Variants in SIDT1 observed in about 807,000 individuals in gnomAD.
SIDT1 encodes the protein SID1 transmembrane family member 1.
SIDT1 carries 101 observed loss-of-function variants against 107.5 expected under a neutral mutation model. That is an observed-to-expected ratio of 0.94 (90% CI 0.80 to 1.11). The LOEUF (loss-of-function observed/expected upper bound fraction) is 1.11, where lower values mean the gene tolerates loss of function less well. Ranked by LOEUF, SIDT1 falls within the 50% of genes least tolerant of loss-of-function variation. The pLI is 0.00. For synonymous variants in SIDT1, 395 were observed against 398.2 expected, an observed-to-expected ratio of 0.99 and a Z score of 0.10; for missense variants, 1,076 against 1,058.2, an observed-to-expected ratio of 1.02 and a Z score of -0.23.
chr3:113,604,890 G>A lies in SIDT1; in HGVS notation c.1338-20G>A. On this transcript the variant is annotated intron_variant, in intron 13 of 24. Coordinates refer to ENST00000264852, the MANE Select transcript of SIDT1 (RefSeq NM_017699.3). Reference sequence around the variant, plus strand: ...TGTTCATTTGAAAATAAGCATTTCTGGTTCTTTCTGCCTGCATAGGAACAT... The same window carrying A: ...TGTTCATTTGAAAATAAGCATTTCTAGTTCTTTCTGCCTGCATAGGAACAT... 1.9e-6 allele frequency: 3 copies of A among 1,613,652 alleles called. No homozygotes were observed. The highest frequency in any genetic ancestry group is 2.5e-6 in the Non-Finnish European group (3 of 1,179,738).
chr3:113,637,100 G>C, the SIDT1 span, among the ~76,000 whole-genome samples: 29 of 152,132 alleles, frequency 1.9e-4, no homozygotes, highest in African/African-American at 7.0e-4. Context: ...ACAGTGGGCC[G>C]GGCGCGGTGG....
At chr3:113,593,250 C>T (rs1271030257) in intron 10 of SIDT1, among the ~76,000 whole-genome samples, 14 of 152,176 alleles carry the variant, frequency 9.2e-5, no homozygotes, top group Admixed American at 9.2e-4. Context: ...AGCCCTAGGC[C>T]GTGGACTGGT....
At chr3:113,624,384 T>G (rs1217877944) in intron 23 of SIDT1, among the ~76,000 whole-genome samples, 3 of 152,238 alleles carry the variant, frequency 2.0e-5, no homozygotes, top group African/African-American at 7.2e-5. Flanking sequence ...TCTGGCTTCT[T>G]TCACTTAATG....
intron 1 of SIDT1, among the ~76,000 whole-genome samples, chr3:113,554,142 G>T (rs913637521): frequency 6.6e-6 from 1 of 152,202 alleles, no homozygotes; most frequent in Non-Finnish European, 1.5e-5. Flanking sequence ...AAGTAGCCCA[G>T]AATTGGTTAG....
At chr3:113,542,178 C>T (rs887357161) in intron 1 of SIDT1, among the ~76,000 whole-genome samples, 1 of 152,136 alleles carries the variant, frequency 6.6e-6, no homozygotes, top group Non-Finnish European at 1.5e-5. Flanking sequence ...CTGCCTCAGA[C>T]TCCCACAGTC....
intron 1 of SIDT1, among the ~76,000 whole-genome samples, chr3:113,559,626 T>C (rs979901832): frequency 2.0e-5 from 3 of 152,012 alleles, no homozygotes; most frequent in East Asian, 3.9e-4. Context: ...ATTTTTTAAA[T>C]AGAGACAGAG....
chr3:113,630,449 C>T (rs927703194), downstream of SIDT1, among the ~76,000 whole-genome samples: 9 of 152,092 alleles, frequency 5.9e-5, no homozygotes, highest in Admixed American at 3.3e-4. Context: ...AGGAGGTCAC[C>T]GAGCCAGCTC....
At chr3:113,585,118 AG>A in intron 8 of SIDT1, 58 bp from the exon 9 acceptor site, 1 of 1,206,110 alleles carries the variant, frequency 8.3e-7, no homozygotes, top group Admixed American at 1.7e-5. Flanking sequence ...GTCCTGTCTC[AG>A]ATGGAGTCTT....
chr3:113,607,570 G>A (rs1945425972), intron 15 of SIDT1, among the ~76,000 whole-genome samples: 1 of 152,266 alleles, frequency 6.6e-6, no homozygotes, highest in African/African-American at 2.4e-5. Flanking sequence ...CTAGCCACCA[G>A]AACTTGGTGA....
intron 2 of SIDT1, among the ~76,000 whole-genome samples, chr3:113,566,899 G>A (rs962869325): frequency 3.3e-5 from 5 of 152,110 alleles, no homozygotes; most frequent in East Asian, 3.9e-4. Context: ...AATGCCCATC[G>A]TGTGTTTGCA....
chr3:113,591,956 G>A (rs767084409), intron 9 of SIDT1, among the ~76,000 whole-genome samples: 2 of 152,218 alleles, frequency 1.3e-5, no homozygotes, highest in Admixed American at 6.5e-5. Flanking sequence ...ATATTATTCA[G>A]CCATAAAAAG....
At chr3:113,593,959 C>T (rs1944358634) in intron 10 of SIDT1, among the ~76,000 whole-genome samples, 1 of 152,092 alleles carries the variant, frequency 6.6e-6, no homozygotes, top group South Asian at 2.1e-4. Context: ...ATTTAAATGT[C>T]CTCATTTTTG....
Position 113,604,982 on chromosome 3 carries a change from T to G in SIDT1, c.1404+6T>G. On this transcript the variant is annotated splice_donor_region_variant and intron_variant, in intron 14 of 24. Coordinates refer to ENST00000264852, the MANE Select transcript of SIDT1 (RefSeq NM_017699.3). ...TGGTCATTACCTATCAGACAGTAAG[T>G]GCTGCCCCAGCCCCAGCCCCAGAGT... is the stretch of plus-strand genomic sequence containing the variant. 1 of 1,613,856 alleles carries G rather than the reference T, an allele frequency of 6.2e-7. No homozygotes were observed. The highest frequency in any genetic ancestry group is 1.6e-4 in the Middle Eastern group (1 of 6,062).
In SIDT1 at chr3:113,612,335, C is replaced by T. The variant is rs756763994; in HGVS notation, c.1966+141C>T. 159 of 707,072 alleles carry T rather than the reference C, an allele frequency of 2.2e-4. 5 individuals carry two copies. In the South Asian group the frequency reaches 2.3e-3, roughly 10 times the overall value. The allele number at this position is 707,072 out of a possible 1,614,324, so 43.8% of individuals were successfully genotyped here. On this transcript the variant is annotated intron_variant, in intron 19 of 24. Coordinates refer to ENST00000264852, the MANE Select transcript of SIDT1 (RefSeq NM_017699.3). ...GAATTCTATGCCATGTTTAATAGCA[C>T]ATATTCGCTCCAAGAGCTTCCTCTC...
rs570632756 is a variant in SIDT1 at position 113,559,450 on chromosome 3, T to A, written c.223-6970T>A. ...CTTTTTATTTATTTTTTTTTTTTTTTATTTTTTGAGACAGGGTTTTCACTC... is the reference window on the plus strand; with the variant it reads ...CTTTTTATTTATTTTTTTTTTTTTTAATTTTTTGAGACAGGGTTTTCACTC... On this transcript the variant is annotated intron_variant, in intron 1 of 24. Coordinates refer to ENST00000264852, the MANE Select transcript of SIDT1 (RefSeq NM_017699.3). Among the ~76,000 whole-genome samples, 204 of 142,332 alleles carry A rather than the reference T, an allele frequency of 1.4e-3. 1 individual carries two copies. Among genetic ancestry groups the A allele is most frequent in the African/African-American group, 4.6e-3 (181 of 38,928 alleles). The allele number at this position is 142,332 out of a possible 152,430, so 93.4% of individuals were successfully genotyped here.
At chr3:113,554,193 A>G (rs1209805455) in intron 1 of SIDT1, among the ~76,000 whole-genome samples, 2 of 152,200 alleles carry the variant, frequency 1.3e-5, no homozygotes, top group Non-Finnish European at 2.9e-5. Context: ...TTTCTGTGAA[A>G]AATACCCAGG....
At chr3:113,534,395 C>T (rs1354119845) in intron 1 of SIDT1, among the ~76,000 whole-genome samples, 1 of 152,202 alleles carries the variant, frequency 6.6e-6, no homozygotes, top group African/African-American at 2.4e-5. Flanking sequence ...CCCTGAGTGC[C>T]CCATCTCCAG....
intron 10 of SIDT1, among the ~76,000 whole-genome samples, chr3:113,598,355 T>C (rs1221927596): frequency 2.6e-5 from 4 of 152,248 alleles, no homozygotes; most frequent in African/African-American, 9.6e-5. Context: ...TTTTTGGTTT[T>C]TGTTTTTCTT....
chr3:113,552,768 T>C (rs1002669948), intron 1 of SIDT1, among the ~76,000 whole-genome samples: 4 of 152,216 alleles, frequency 2.6e-5, no homozygotes, highest in South Asian at 2.1e-4. Context: ...TTACTCACAA[T>C]TGAATGTACC....
Sources: allele counts gnomAD v4.1 joint callset (sites outside exome capture counted in the v4.1 genomes callset), GRCh38; gene constraint gnomAD v4.1.1; transcripts MANE v1.5; gene names NCBI Gene and HGNC (gene_info 2026-07-23, HGNC 2026-07-21).